KLC1: variants seen among roughly 807,000 people sequenced by gnomAD.
KLC1 encodes the protein kinesin light chain 1, also known as kinesin 2 60/70kDa.
In KLC1, 30 loss-of-function variants were observed where a neutral mutation model predicts 84.2. The observed-to-expected ratio is 0.36, with a 90% CI of 0.27 to 0.48. The LOEUF is 0.48. Ranked by LOEUF, KLC1 falls within the 20% of genes least tolerant of loss-of-function variation. KLC1 has a pLI of 0.99. For synonymous variants in KLC1, 289 were observed against 293.3 expected (o/e 0.99, Z 0.15); for missense variants, 499 against 805.4 (o/e 0.62, Z 4.60).
intron 15 of KLC1, chr14:103,696,524 T>G (rs1567044525): frequency 1.0e-6 from 1 of 985,356 alleles, no homozygotes. Flanking sequence ...GGAATTTTCT[T>G]GGAGGATGTC....
intron 1 of KLC1, among the ~76,000 whole-genome samples, chr14:103,632,396 G>C (rs1050561450): frequency 6.6e-6 from 1 of 151,712 alleles, no homozygotes; most frequent in Non-Finnish European, 1.5e-5. Flanking sequence ...CTGCAGTCCA[G>C]CCAGACTCCG....
chr14:103,687,044 C>G (rs1008668980), intron 13 of KLC1, 37 bp from the exon 14 acceptor site: 12 of 1,491,716 alleles, frequency 8.0e-6, no homozygotes, highest in African/African-American at 4.2e-5. Context: ...GGAGGGAGAA[C>G]CACCTGCAGC....
chr14:103,666,097 G>A (rs953002331), intron 5 of KLC1, among the ~76,000 whole-genome samples: 4 of 151,542 alleles, frequency 2.6e-5, no homozygotes, highest in African/African-American at 7.3e-5. Flanking sequence ...ACGGAGTCTC[G>A]CTGTCACCCA....
intron 13 of KLC1, chr14:103,682,840 A>G (rs1197588653): frequency 2.7e-5 from 4 of 147,624 alleles, no homozygotes; most frequent in African/African-American, 7.6e-5. Context: ...AGGTGGCACA[A>G]TCTCCACTCA....
intron 16 of KLC1, 138 bp downstream of exon 16, chr14:103,700,865 C>A: frequency 1.4e-6 from 1 of 734,212 alleles, no homozygotes; most frequent in Non-Finnish European, 2.1e-6. Flanking sequence ...CCAAGAGGGG[C>A]TTGGCTCAGG....
At chr14:103,666,246 G>A (rs957178288) in intron 5 of KLC1, among the ~76,000 whole-genome samples, 2 of 152,102 alleles carry the variant, frequency 1.3e-5, no homozygotes, top group Non-Finnish European at 1.5e-5. Context: ...TGTATTTTTA[G>A]TAGAGACGGA....
At chr14:103,669,437 A>AAAAAGAAAAAAAAAGAAAAAAATAG in intron 5 of KLC1, 74 bp from the exon 6 acceptor site, 1 of 857,158 alleles carries the variant, frequency 1.2e-6, no homozygotes, top group South Asian at 1.6e-5. Context: ...CTGTCTAAAA[A>AAAAAGAAAAAAAAAGAAAAAAATAG]AAAAGAAAAG....
intron 1 of KLC1, among the ~76,000 whole-genome samples, chr14:103,653,921 C>A (rs1292693260): frequency 1.3e-5 from 2 of 152,180 alleles, no homozygotes; most frequent in Non-Finnish European, 2.9e-5. Flanking sequence ...CCCTTTCCTC[C>A]CCCTTTTCTT....
rs1460193014 is a variant in KLC1 at position 103,694,965 on chromosome 14, G to T, written c.1848+2540G>T. The T allele has an allele frequency of 5.1e-6, 5 of 985,390 alleles. No homozygotes were observed. Among genetic ancestry groups the T allele is most frequent in the Non-Finnish European group, 6.0e-6 (5 of 829,910 alleles). 61.0% of individuals were successfully genotyped at this position (985,390 alleles called of 1,614,324 possible). A position where few individuals can be genotyped will look rare whatever the true frequency, so the allele number is the denominator to read the frequency against. On this transcript the variant is annotated intron_variant, in intron 15 of 16. Coordinates refer to ENST00000334553, the MANE Select transcript of KLC1 (RefSeq NM_001394837.1). The surrounding 1 kb of genome is among the most constrained non-coding windows in gnomAD (Gnocchi z 4.5). ...AGTCGCCAGCGGGTGCCTGGCCCAG[G>T]AGCTGCCCTGTGGAGCCAGCGTTGT...
chr14:103,644,582 C>T (rs906653502), intron 1 of KLC1, among the ~76,000 whole-genome samples: 1 of 151,908 alleles, frequency 6.6e-6, no homozygotes, highest in East Asian at 1.9e-4. Flanking sequence ...TTTTTCCTCC[C>T]TCTCTGGAAG....
Position 103,673,415 on chromosome 14 carries a change from G to A in KLC1, c.1245G>A (p.Glu415=). 1 of 1,603,140 alleles carries A rather than the reference G, an allele frequency of 6.2e-7. No individual in the cohort carries two copies. Among genetic ancestry groups the A allele is most frequent in the South Asian group, 1.1e-5 (1 of 88,698 alleles). The change falls in exon 9 of 17, where the codon GAG becomes GAA. Residue 415 remains glutamate (E), a synonymous_variant. Coordinates refer to ENST00000334553, the MANE Select transcript of KLC1 (RefSeq NM_001394837.1). ...KEILTRAHER[E]FGSVDDENKP... is the part of the protein sequence containing the mutation. ...TTCTCACTCGTGCACATGAAAGGGA[G>A]TTTGGTTCTGTAGATGGTAAGAAAT...
At chr14:103,677,365 T>C in intron 11 of KLC1, 50 bp from the exon 12 acceptor site, 1 of 1,067,828 alleles carries the variant, frequency 9.4e-7, no homozygotes, top group Non-Finnish European at 1.5e-6. Flanking sequence ...TGATAGTGGT[T>C]GTTCAGAGCT....
intron 1 of KLC1, among the ~76,000 whole-genome samples, chr14:103,641,969 C>T (rs1478813269): frequency 4.0e-5 from 6 of 150,900 alleles, no homozygotes; most frequent in South Asian, 4.2e-4. Flanking sequence ...CTCACTCCAT[C>T]GCCCAGGCTG....
intron 14 of KLC1, chr14:103,687,926 C>T (rs1393728337): frequency 1.3e-5 from 2 of 152,186 alleles, no homozygotes; most frequent in African/African-American, 2.4e-5. Context: ...ACGTATTTCT[C>T]ATGAGGCAGA....
intron 2 of KLC1, among the ~76,000 whole-genome samples, chr14:103,656,565 T>C (rs1303820533): frequency 6.6e-6 from 1 of 152,214 alleles, no homozygotes; most frequent in African/African-American, 2.4e-5. Context: ...TCTGCTTTCA[T>C]AGAGGAAGTG....
chr14:103,656,853 T>C (rs1187732593), intron 2 of KLC1, among the ~76,000 whole-genome samples: 1 of 152,192 alleles, frequency 6.6e-6, no homozygotes, highest in Non-Finnish European at 1.5e-5. Flanking sequence ...CAGATGTATG[T>C]TCTAAAGAGA....
In KLC1 at chr14:103,693,659, CCGCCCCGCCCTGCCA is replaced by C. The variant is rs1347855659; in HGVS notation, c.1848+1241_1848+1255del. 3.9e-6 allele frequency: 6 copies of C among 1,530,502 alleles called. No homozygotes were observed. The highest frequency in any genetic ancestry group is 5.2e-6 in the Non-Finnish European group (6 of 1,143,856). 94.8% of individuals were successfully genotyped at this position (1,530,502 alleles called of 1,614,324 possible). On this transcript the variant is annotated intron_variant, in intron 15 of 16. Coordinates refer to ENST00000334553, the MANE Select transcript of KLC1 (RefSeq NM_001394837.1). The surrounding 1 kb of genome is among the most constrained non-coding windows in gnomAD (Gnocchi z 5.1). Reference sequence around the variant, plus strand: ...GGTAACCTGTCTTGGGAGTGTGAGACCGCCCCGCCCTGCCACGCCCCTCACCGCCCTGCCCGGAGG... The same window carrying C: ...GGTAACCTGTCTTGGGAGTGTGAGACCGCCCCTCACCGCCCTGCCCGGAGG...
At chr14:103,661,746 A>G (rs1193851026) in intron 3 of KLC1, among the ~76,000 whole-genome samples, 1 of 152,146 alleles carries the variant, frequency 6.6e-6, no homozygotes, top group African/African-American at 2.4e-5. Flanking sequence ...GGGATCAGAG[A>G]TGCACCATTT....
At chr14:103,685,234 G>A in intron 13 of KLC1, 1 of 1,406,436 alleles carries the variant, frequency 7.1e-7, no homozygotes, top group Non-Finnish European at 9.2e-7. Flanking sequence ...TGTCTAAAAT[G>A]TGTTTTTAAG....
Sources: gnomAD v4.1 joint callset for allele counts (sites outside exome capture counted in the v4.1 genomes callset) on GRCh38, gnomAD v4.1.1 for gene constraint, Gnocchi (gnomAD v3.1) non-coding constraint, MANE v1.5 for transcripts, NCBI Gene and HGNC (gene_info 2026-07-23, HGNC 2026-07-21) for gene names.